FAM107B: variants seen among roughly 807,000 people sequenced by gnomAD.
FAM107B encodes protein FAM107B.
Under a neutral mutation model 31.5 loss-of-function variants are expected in FAM107B, and 21 were observed. That is an observed-to-expected ratio of 0.67 (90% confidence interval 0.47 to 0.96). The LOEUF is 0.96. FAM107B is among the 40% of genes least tolerant of loss of function. The probability of loss-of-function intolerance (pLI) is 0.00; values close to 1 mark genes in which losing one functional copy is unlikely to be tolerated. For missense variants in FAM107B, 452 were observed against 377.1 expected, an observed-to-expected ratio of 1.20 and a Z score of -1.64; for synonymous variants, 157 against 141.5, an observed-to-expected ratio of 1.11 and a Z score of -0.78.
chr10:14,770,975 TAAAAAAAAAAAAAAAAA>T lies in FAM107B; in HGVS notation c.411+3261_411+3277del, dbSNP rs56378196. The stretch of plus-strand genomic sequence containing the variant: ...TCTTACCTTATGTCTGAGGCTGAAC[TAAAAAAAAAAAAAAAAA>T]AAAAAAAAAAAAGATTATTTGTGGC... On this transcript the variant is annotated intron_variant, in intron 1 of 4. Coordinates refer to ENST00000181796, the MANE Select transcript of FAM107B (RefSeq NM_031453.4). 6.1e-3 allele frequency among the ~76,000 whole-genome samples: 362 copies of T among 58,994 alleles called. 9 individuals are homozygous for T. Among genetic ancestry groups the T allele is most frequent in the Admixed American group, 8.5e-3 (35 of 4,140 alleles). The allele number at this position is 58,994 out of a possible 152,430, so 38.7% of individuals were successfully genotyped here. A position where few individuals can be genotyped will look rare whatever the true frequency, so the allele number is the denominator to read the frequency against.
chr10:14,614,209 A>C (rs1309534231), intron 2 of FAM107B, among the ~76,000 whole-genome samples: 1 of 152,144 alleles, frequency 6.6e-6, no homozygotes, highest in African/African-American at 2.4e-5. Flanking sequence ...TTCACAGATC[A>C]CATGAGGTCC....
chr10:14,682,928 A>C (rs1307407889), intron 1 of FAM107B, among the ~76,000 whole-genome samples: 1 of 152,080 alleles, frequency 6.6e-6, no homozygotes, highest in Non-Finnish European at 1.5e-5. Context: ...AATAAATAAA[A>C]ATAATGTCAA....
chr10:14,716,220 T>C (rs1855775531), intron 1 of FAM107B, among the ~76,000 whole-genome samples: 1 of 152,202 alleles, frequency 6.6e-6, no homozygotes. Context: ...AAACCTTCAT[T>C]AGGTCACTCA....
chr10:14,626,724 C>T (rs1054925735), intron 2 of FAM107B, among the ~76,000 whole-genome samples: 2 of 152,010 alleles, frequency 1.3e-5, no homozygotes, highest in Non-Finnish European at 2.9e-5. Context: ...AGGATGGTCT[C>T]GATCTCCTGA....
intron 3 of FAM107B, among the ~76,000 whole-genome samples, chr10:14,527,564 CTAT>C (rs1304938410): frequency 2.6e-5 from 4 of 152,244 alleles, no homozygotes; most frequent in African/African-American, 9.6e-5. Flanking sequence ...TTTCAAAAAA[CTAT>C]TATGTAATCT....
intron 2 of FAM107B, among the ~76,000 whole-genome samples, chr10:14,595,112 G>C (rs1376874824): frequency 6.6e-6 from 1 of 151,690 alleles, no homozygotes; most frequent in Non-Finnish European, 1.5e-5. Context: ...GGTGGGAGGG[G>C]GAACTGACTG....
At position 14,714,428 on chromosome 10, in the gene FAM107B, G is replaced by A. The variant is rs537299744; in HGVS notation, c.412-46737C>T. On this transcript the variant is annotated intron_variant, in intron 1 of 4. Coordinates refer to ENST00000181796, the MANE Select transcript of FAM107B (RefSeq NM_031453.4). ...CAGGACGCAGGGATGATGGTGCACC[G>A]GAACTTGAAAATAAGATGCAAATGG... Among the ~76,000 whole-genome samples the A allele has an allele frequency of 5.8e-4, 88 of 152,304 alleles. 1 individual carries two copies. Among genetic ancestry groups the A allele is most frequent in the Non-Finnish European group, 1.9e-4 (13 of 68,028 alleles).
chr10:14,621,260 T>C (rs551663763), intron 2 of FAM107B, among the ~76,000 whole-genome samples: 1 of 152,326 alleles, frequency 6.6e-6, no homozygotes, highest in East Asian at 1.9e-4. Context: ...ATTTCGATGT[T>C]TTGAAAGCAA....
chr10:14,548,664 G>A (rs370772125), intron 2 of FAM107B: 3 of 984,860 alleles, frequency 3.0e-6, no homozygotes, highest in Non-Finnish European at 3.6e-6. Context: ...AGAAGCCCCC[G>A]GGGGCCTTCC....
At position 14,700,057 on chromosome 10, in the gene FAM107B, C is replaced by G. The variant is rs1303403463; in HGVS notation, c.412-32366G>C. 2.6e-5 allele frequency among the ~76,000 whole-genome samples: 4 copies of G among 152,212 alleles called. No individual in the cohort carries two copies. The East Asian group carries it at 5.8e-4, about 22-fold the overall frequency. On this transcript the variant is annotated intron_variant, in intron 1 of 4. Transcript: ENST00000181796. ...AAGCGATTCTTCTGCCTCAGCCTCC[C>G]GAGTAGCTGGGATTACAGGCGTGTG...
intron 1 of FAM107B, among the ~76,000 whole-genome samples, chr10:14,753,771 A>T (rs952785173): frequency 6.6e-6 from 1 of 152,266 alleles, no homozygotes; most frequent in South Asian, 2.1e-4. Flanking sequence ...AGAAGAAAAT[A>T]TGCTTAACAT....
At chr10:14,561,531 G>A (rs73601306) in intron 2 of FAM107B, among the ~76,000 whole-genome samples, 1,621 of 152,316 alleles carry the variant, frequency 0.011, 29 homozygotes, top group African/African-American at 0.037. Context: ...CAGGTAAGCG[G>A]CAGGGAGGCG....
chr10:14,610,626 T>A (rs558699398), intron 2 of FAM107B, among the ~76,000 whole-genome samples: 17 of 152,346 alleles, frequency 1.1e-4, no homozygotes, highest in Admixed American at 3.3e-4. Flanking sequence ...CAAAATGATA[T>A]GCCCAAATCT....
At chr10:14,706,306 G>GT (rs1019862694) in intron 1 of FAM107B, among the ~76,000 whole-genome samples, 23 of 148,304 alleles carry the variant, frequency 1.6e-4, no homozygotes, top group Middle Eastern at 3.5e-3. Flanking sequence ...ACTCCAAATT[G>GT]TTTTTTTTTT....
chr10:14,698,044 G>A (rs892114053), intron 1 of FAM107B, among the ~76,000 whole-genome samples: 11 of 151,824 alleles, frequency 7.2e-5, no homozygotes, highest in African/African-American at 2.7e-4. Context: ...AGGATCGATT[G>A]AACCCAGGAG....
At chr10:14,682,756 G>A (rs1274170304) in intron 1 of FAM107B, among the ~76,000 whole-genome samples, 1 of 152,068 alleles carries the variant, frequency 6.6e-6, no homozygotes, top group Non-Finnish European at 1.5e-5. Context: ...TCGAGAGCTA[G>A]GGGAGGGATA....
chr10:14,604,207 T>C lies in FAM107B; in HGVS notation c.469+63427A>G, dbSNP rs1852509354. 3 of 977,738 alleles carry C rather than the reference T, an allele frequency of 3.1e-6. No individual in the cohort carries two copies. The Admixed American group carries it at 1.9e-4, about 62-fold the overall frequency. The allele number at this position is 977,738 out of a possible 1,614,324, so 60.6% of individuals were successfully genotyped here. On this transcript the variant is annotated intron_variant, in intron 2 of 4. Coordinates refer to ENST00000181796, the MANE Select transcript of FAM107B (RefSeq NM_031453.4). ...CCCGCCTCCCCGCGCCCCTCGTCTT[T>C]GTGTGGAAAGTAAGTGCGGGAGGCG...
chr10:14,774,477 G>A lies in FAM107B; in HGVS notation c.187C>T (p.Gln63Ter). 1 of 1,614,202 alleles carries A rather than the reference G, an allele frequency of 6.2e-7. No individual in the cohort carries two copies. Among genetic ancestry groups the A allele is most frequent in the Non-Finnish European group, 8.5e-7 (1 of 1,180,036 alleles). Residue 63 changes from glutamine (Q) to a stop codon, truncating the protein, a stop_gained, in exon 1 of 5, where the codon CAG becomes TAG. Transcript: ENST00000181796. LOFTEE classifies it high-confidence loss of function. ...RVQPVAKAGR[Q>*]PRHPSAEGAP... ...CCTTCTGCGCTTGGGTGTCTTGGCT[G>A]TCTGCCTGCTTTGGCCACAGGCTGC...
At chr10:14,737,923 C>T (rs1056220996) in intron 1 of FAM107B, among the ~76,000 whole-genome samples, 2 of 152,008 alleles carry the variant, frequency 1.3e-5, no homozygotes, top group Non-Finnish European at 2.9e-5. Context: ...TGCTGAAAAT[C>T]TTGGAACAAC....
Sources: allele counts gnomAD v4.1 joint callset (sites outside exome capture counted in the v4.1 genomes callset), GRCh38; gene constraint gnomAD v4.1.1; transcripts MANE v1.5; gene names NCBI Gene and HGNC (gene_info 2026-07-23, HGNC 2026-07-21).